The following VTI1A variants were observed in gnomAD, a reference collection of about 807,000 sequenced individuals.
The protein encoded by VTI1A is vesicle transport through interaction with t-SNAREs 1A.
In VTI1A, 22 loss-of-function variants were observed where a neutral mutation model predicts 34.9. The observed-to-expected ratio is 0.63, with a 90% CI of 0.45 to 0.90. The LOEUF is 0.90. Among genes scored for constraint, VTI1A ranks in the 40% least tolerant of loss-of-function variants. VTI1A has a pLI of 0.00. For synonymous variants in VTI1A, 87 were observed against 97.3 expected, an observed-to-expected ratio of 0.89 and a Z score of 0.62; for missense variants, 268 against 275.6, an observed-to-expected ratio of 0.97 and a Z score of 0.20.
At chr10:112,761,856 T>TTC (rs1554958858) in intron 7 of VTI1A, among the ~76,000 whole-genome samples, 1 of 54,740 alleles carries the variant, frequency 1.8e-5, no homozygotes, top group African/African-American at 1.1e-4. Flanking sequence ...TGTGTATCTA[T>TTC]ACACGTAGCA....
In VTI1A at chr10:112,694,966, C is replaced by A. The variant is rs1423553629; in HGVS notation, c.560+25968C>A. Among the ~76,000 whole-genome samples the A allele has an allele frequency of 2.6e-5, 4 of 151,894 alleles. No homozygotes were observed. In the South Asian group the frequency reaches 6.2e-4, roughly 24 times the overall value. ...CCCGGGTGACAGAGTGAGACTCTGTCTCCTAAATAAATAAATAAATAAATA... is the reference window on the plus strand; with the variant it reads ...CCCGGGTGACAGAGTGAGACTCTGTATCCTAAATAAATAAATAAATAAATA... On this transcript the variant is annotated intron_variant, in intron 7 of 7. Transcript: ENST00000393077.
At chr10:112,579,148 T>G (rs1429662565) in intron 5 of VTI1A, among the ~76,000 whole-genome samples, 1 of 152,164 alleles carries the variant, frequency 6.6e-6, no homozygotes, top group African/African-American at 2.4e-5. Flanking sequence ...TGATGCAGCA[T>G]CAGGTGCAGA....
At chr10:112,500,439 GA>G (rs1207383985) in intron 3 of VTI1A, among the ~76,000 whole-genome samples, 1 of 138,296 alleles carries the variant, frequency 7.2e-6, no homozygotes. Flanking sequence ...CTCAAAAAAA[GA>G]AAAAAAAGAA....
chr10:112,531,114 TGCGCGCGC>T (rs142898727), intron 4 of VTI1A, among the ~76,000 whole-genome samples: 1 of 113,884 alleles, frequency 8.8e-6, no homozygotes, highest in African/African-American at 3.0e-5. Flanking sequence ...CGTGCGCACG[TGCGCGCGC>T]GCGCATGAAC....
intron 7 of VTI1A, among the ~76,000 whole-genome samples, chr10:112,784,544 T>G (rs1250071547): frequency 6.6e-6 from 1 of 152,194 alleles, no homozygotes; most frequent in Non-Finnish European, 1.5e-5. Flanking sequence ...AATTGTAAGT[T>G]CTAATGTTTT....
intron 5 of VTI1A, among the ~76,000 whole-genome samples, chr10:112,636,190 ACT>A (rs1413635217): frequency 6.6e-6 from 1 of 152,090 alleles, no homozygotes; most frequent in Non-Finnish European, 1.5e-5. Context: ...GTCAAGGCTG[ACT>A]CTTTCACTAC....
At chr10:112,646,634 G>A (rs540614592) in intron 5 of VTI1A, among the ~76,000 whole-genome samples, 4 of 151,798 alleles carry the variant, frequency 2.6e-5, no homozygotes, top group East Asian at 1.9e-4. Flanking sequence ...TCAGCCTCCC[G>A]AGTAGCTGGG....
At chr10:112,501,710 A>G (rs1384437610) in intron 3 of VTI1A, among the ~76,000 whole-genome samples, 1 of 126,310 alleles carries the variant, frequency 7.9e-6, no homozygotes, top group Admixed American at 1.1e-4. Context: ...TAAAATTTTC[A>G]TGTTTGCTTT....
chr10:112,563,464 T>A (rs559948081), intron 5 of VTI1A, among the ~76,000 whole-genome samples: 19 of 152,298 alleles, frequency 1.2e-4, no homozygotes, highest in Admixed American at 2.0e-4. Context: ...GCTGTAACCT[T>A]ATCGCATACT....
intron 7 of VTI1A, among the ~76,000 whole-genome samples, chr10:112,802,138 A>G (rs964278487): frequency 1.3e-5 from 2 of 152,196 alleles, no homozygotes; most frequent in African/African-American, 2.4e-5. Context: ...GGTCCCAGCT[A>G]TTTGGGAGGC....
rs562509776 is a variant in VTI1A, at chr10:112,690,014, C to T, written c.560+21016C>T. On this transcript the variant is annotated intron_variant, in intron 7 of 7. Coordinates refer to ENST00000393077, the MANE Select transcript of VTI1A (RefSeq NM_145206.4). ...AAAATTTCATGTAAATGGAATTATA[C>T]AGTGTGTCATCTTTTGTATATGACT... Among the ~76,000 whole-genome samples, 58 of 152,146 alleles carry T rather than the reference C, an allele frequency of 3.8e-4. No homozygotes were observed. The South Asian group carries it at 0.011, about 30-fold the overall frequency.
At chr10:112,693,966 T>C (rs1848695577) in intron 7 of VTI1A, among the ~76,000 whole-genome samples, 1 of 152,166 alleles carries the variant, frequency 6.6e-6, no homozygotes, top group African/African-American at 2.4e-5. Flanking sequence ...CCCAGCACTT[T>C]GGAAGGCCAA....
intron 5 of VTI1A, among the ~76,000 whole-genome samples, chr10:112,579,772 G>A (rs1843851791): frequency 6.6e-6 from 1 of 152,186 alleles, no homozygotes; most frequent in Non-Finnish European, 1.5e-5. Flanking sequence ...GGAGAAAAGA[G>A]AAAGTGGGAG....
rs746509441 is a variant in VTI1A at position 112,668,293 on chromosome 10, G to A, written c.498+5G>A. On this transcript the variant is annotated splice_donor_5th_base_variant and intron_variant, in intron 6 of 7. Transcript: ENST00000393077. ...ATACAGCGAGCACGTGAAAGAGTAAGTACAATTGATACAGTTTTTTCACAT... is the reference window on the plus strand; with the variant it reads ...ATACAGCGAGCACGTGAAAGAGTAAATACAATTGATACAGTTTTTTCACAT... The A allele has an allele frequency of 1.9e-6, 3 of 1,611,566 alleles. No individual in the cohort carries two copies. The highest frequency in any genetic ancestry group is 1.1e-5 in the South Asian group (1 of 90,816).
At chr10:112,842,387 G>T in the VTI1A span, among the ~76,000 whole-genome samples, 1 of 152,092 alleles carries the variant, frequency 6.6e-6, no homozygotes, top group East Asian at 1.9e-4. Context: ...TCACATCAAA[G>T]TAGCCAGCCT....
chr10:112,838,212 G>A, the VTI1A span, among the ~76,000 whole-genome samples: 2 of 152,202 alleles, frequency 1.3e-5, no homozygotes, highest in Admixed American at 1.3e-4. Context: ...TGTGTATTCT[G>A]CTCCCAAGAC....
chr10:112,533,975 C>G (rs531970471), intron 4 of VTI1A, among the ~76,000 whole-genome samples: 1 of 152,130 alleles, frequency 6.6e-6, no homozygotes, highest in African/African-American at 2.4e-5. Context: ...ACTCCTTTCC[C>G]CCACCCAAAA....
the VTI1A span, among the ~76,000 whole-genome samples, chr10:112,850,736 T>C: frequency 3.3e-5 from 5 of 152,150 alleles, no homozygotes; most frequent in African/African-American, 1.2e-4. Flanking sequence ...GGCAGCCAAG[T>C]GCAAAATAAA....
chr10:112,517,078 A>C (rs1405750188), intron 3 of VTI1A, among the ~76,000 whole-genome samples: 1 of 152,082 alleles, frequency 6.6e-6, no homozygotes, highest in East Asian at 1.9e-4. Flanking sequence ...CTAAGGACGG[A>C]GACCTAGGGG....
Sources: allele counts gnomAD v4.1 joint callset (sites outside exome capture counted in the v4.1 genomes callset), GRCh38; gene constraint gnomAD v4.1.1; transcripts MANE v1.5; gene names NCBI Gene and HGNC (gene_info 2026-07-23, HGNC 2026-07-21).